Variants in PARD3B observed in about 807,000 individuals in gnomAD.
PARD3B encodes the protein partitioning defective 3 homolog B.
In PARD3B, 103 loss-of-function variants were observed where a neutral mutation model predicts 130.2. That is an observed-to-expected ratio of 0.79 (90% CI 0.67 to 0.93). PARD3B has a LOEUF of 0.93. Among genes scored for constraint, PARD3B ranks in the 40% least tolerant of loss-of-function variants. The pLI, the probability that PARD3B is intolerant of heterozygous loss-of-function variation, is 0.00. For synonymous variants in PARD3B, 583 were observed against 553.2 expected, an observed-to-expected ratio of 1.05 and a Z score of -0.76; for missense variants, 1,609 against 1,499.2, an observed-to-expected ratio of 1.07 and a Z score of -1.21.
intron 15 of PARD3B, among the ~76,000 whole-genome samples, chr2:205,215,220 G>A (rs190175244): frequency 6.6e-6 from 1 of 151,420 alleles, no homozygotes; most frequent in East Asian, 1.9e-4. Flanking sequence ...TATTTACTAT[G>A]GATAATATAT....
intron 2 of PARD3B, among the ~76,000 whole-genome samples, chr2:204,953,517 T>C (rs1159623996): frequency 6.6e-6 from 1 of 151,870 alleles, no homozygotes; most frequent in East Asian, 1.9e-4. Flanking sequence ...TTTTGTTCAC[T>C]TTTTTCTCTC....
chr2:205,301,729 G>C lies in PARD3B; in HGVS notation c.2630+28G>C, dbSNP rs375415538. 1.0e-4 allele frequency: 167 copies of C among 1,613,740 alleles called. No individual in the cohort carries two copies. Among genetic ancestry groups the C allele is most frequent in the Admixed American group, 1.3e-4 (8 of 59,968 alleles). On this transcript the variant is annotated intron_variant, in intron 18 of 22. Transcript: ENST00000406610. The surrounding 1 kb of genome is among the most constrained non-coding windows in gnomAD (Gnocchi z 5.2). ...ATGGGCCTGCTTTGAAGGCAAAGTTGGTTCTCATTTTGTCTCTCCTGGTAA... is the reference window on the plus strand; with the variant it reads ...ATGGGCCTGCTTTGAAGGCAAAGTTCGTTCTCATTTTGTCTCTCCTGGTAA...
chr2:204,712,556 A>T (rs953326243), intron 2 of PARD3B, among the ~76,000 whole-genome samples: 4 of 149,650 alleles, frequency 2.7e-5, no homozygotes, highest in African/African-American at 9.8e-5. Context: ...AGAGGTTGCA[A>T]TGAGCGGAGA....
At chr2:204,807,472 A>G (rs1270637499) in intron 2 of PARD3B, among the ~76,000 whole-genome samples, 1 of 152,164 alleles carries the variant, frequency 6.6e-6, no homozygotes, top group Non-Finnish European at 1.5e-5. Flanking sequence ...CTACCATATG[A>G]TGTAGCAGTC....
chr2:204,855,904 A>T (rs1247497735), intron 2 of PARD3B, among the ~76,000 whole-genome samples: 9 of 152,202 alleles, frequency 5.9e-5, no homozygotes, highest in African/African-American at 2.4e-5. Flanking sequence ...AAGGCTATAT[A>T]GTATTTCAGT....
At chr2:205,189,994 A>G (rs954508608) in intron 14 of PARD3B, among the ~76,000 whole-genome samples, 2 of 152,236 alleles carry the variant, frequency 1.3e-5, no homozygotes, top group African/African-American at 4.8e-5. Context: ...TAAAGGACAT[A>G]ATCAGATGTG....
chr2:204,576,581 G>A (rs1014220146), intron 1 of PARD3B, among the ~76,000 whole-genome samples: 2 of 152,002 alleles, frequency 1.3e-5, no homozygotes, highest in African/African-American at 4.8e-5. Context: ...GCAATAGGCC[G>A]GTGGTTCTCA....
intron 22 of PARD3B, among the ~76,000 whole-genome samples, chr2:205,612,280 G>A (rs2105796021): frequency 6.6e-6 from 1 of 152,154 alleles, no homozygotes; most frequent in Middle Eastern, 3.4e-3. Context: ...AGCCTCCCGA[G>A]TAGCTGGGAT....
intron 20 of PARD3B, among the ~76,000 whole-genome samples, chr2:205,457,611 TTC>T (rs1326357349): frequency 2.0e-5 from 3 of 152,098 alleles, no homozygotes; most frequent in Non-Finnish European, 4.4e-5. Flanking sequence ...ATGTGGCAAA[TTC>T]TCTGTTTTTA....
intron 21 of PARD3B, among the ~76,000 whole-genome samples, chr2:205,537,330 G>C (rs1390914324): frequency 6.6e-6 from 1 of 152,214 alleles, no homozygotes; most frequent in Non-Finnish European, 1.5e-5. Context: ...CAATTGCTTA[G>C]CTGCCAAAGT....
At chr2:204,804,240 T>C (rs1032339399) in intron 2 of PARD3B, among the ~76,000 whole-genome samples, 3 of 151,748 alleles carry the variant, frequency 2.0e-5, no homozygotes, top group Non-Finnish European at 4.4e-5. Context: ...AAAAAACAAC[T>C]CTTGCCTACA....
rs145562296 is a variant in PARD3B, at chr2:204,580,684, T to A, written c.120+34565T>A. Among the ~76,000 whole-genome samples, 286 of 152,308 alleles carry A rather than the reference T, an allele frequency of 1.9e-3. 1 individual carries two copies. The highest frequency in any genetic ancestry group is 6.4e-3 in the African/African-American group (265 of 41,578). On this transcript the variant is annotated intron_variant, in intron 1 of 22. Coordinates refer to ENST00000406610, the MANE Select transcript of PARD3B (RefSeq NM_001302769.2). Reference sequence around the variant, plus strand: ...TTTGGAGTCCCCGCCTTCTTAAAAATGTGCTATATAAGTATTGTCCACGTA... The same window carrying A: ...TTTGGAGTCCCCGCCTTCTTAAAAAAGTGCTATATAAGTATTGTCCACGTA...
At chr2:205,087,823 A>T (rs1559424652) in intron 4 of PARD3B, among the ~76,000 whole-genome samples, 1 of 118,104 alleles carries the variant, frequency 8.5e-6, no homozygotes. Flanking sequence ...CAGCTCTACC[A>T]GGCTTGAAGT....
chr2:204,925,691 C>T (rs1318158947), intron 2 of PARD3B, among the ~76,000 whole-genome samples: 1 of 152,036 alleles, frequency 6.6e-6, no homozygotes, highest in Non-Finnish European at 1.5e-5. Context: ...TTCACACCTC[C>T]AAGAGACATT....
rs577187749 is a variant in PARD3B, at chr2:204,974,527, C to G, written c.394+9204C>G. On this transcript the variant is annotated intron_variant, in intron 3 of 22. Transcript: ENST00000406610. ...AAAACATGGCATAGATAGCAACAAA[C>G]TGAATGGCCTTGTGTCATTTGGTTC... 1.2e-4 allele frequency among the ~76,000 whole-genome samples: 19 copies of G among 152,276 alleles called. No homozygotes were observed. In the East Asian group the frequency reaches 3.7e-3, roughly 29 times the overall value.
chr2:204,622,357 G>T (rs1370475157), intron 1 of PARD3B, among the ~76,000 whole-genome samples: 1 of 152,038 alleles, frequency 6.6e-6, no homozygotes, highest in Non-Finnish European at 1.5e-5. Context: ...CAACTCCCAC[G>T]ATACCCTCAT....
At chr2:204,585,630 C>T (rs1266614343) in intron 1 of PARD3B, among the ~76,000 whole-genome samples, 2 of 151,828 alleles carry the variant, frequency 1.3e-5, no homozygotes, top group Non-Finnish European at 2.9e-5. Flanking sequence ...AGGCATGAGA[C>T]ACCACACCAG....
chr2:205,332,585 G>C lies in PARD3B; in HGVS notation c.2630+30884G>C, dbSNP rs537633994. Among the ~76,000 whole-genome samples, 128 of 152,324 alleles carry C rather than the reference G, an allele frequency of 8.4e-4. 1 individual carries two copies. In the South Asian group the frequency reaches 0.026, roughly 31 times the overall value. ...TTTTTGCCATTCCCTACACTTTTCT[G>C]TTCATCGCCACCTATCCTGAGTAGT... On this transcript the variant is annotated intron_variant, in intron 18 of 22. Coordinates refer to ENST00000406610, the MANE Select transcript of PARD3B (RefSeq NM_001302769.2).
intron 20 of PARD3B, among the ~76,000 whole-genome samples, chr2:205,480,680 A>C (rs2049197690): frequency 6.6e-6 from 1 of 152,202 alleles, no homozygotes; most frequent in African/African-American, 2.4e-5. Context: ...AGGCCCTGCC[A>C]CTGGTAAAAC....
Sources: allele counts gnomAD v4.1 joint callset (sites outside exome capture counted in the v4.1 genomes callset), GRCh38; gene constraint gnomAD v4.1.1; non-coding constraint Gnocchi (gnomAD v3.1); transcripts MANE v1.5; gene names NCBI Gene and HGNC (gene_info 2026-07-23, HGNC 2026-07-21).